The following SNX18 variants were observed in gnomAD, a reference collection of about 807,000 sequenced individuals.
SNX18 encodes the protein sorting nexin-18.
Under a neutral mutation model 48.7 loss-of-function variants are expected in SNX18, and 35 were observed. The observed-to-expected ratio is 0.72, with a 90% CI of 0.55 to 0.95. The LOEUF (loss-of-function observed/expected upper bound fraction) is 0.95. Ranked by LOEUF, SNX18 falls within the 40% of genes least tolerant of loss-of-function variation. The probability of loss-of-function intolerance (pLI) is 0.00; values close to 1 mark genes in which losing one functional copy is unlikely to be tolerated. For synonymous variants in SNX18, 492 were observed against 384.7 expected (o/e 1.28, Z -3.26); for missense variants, 824 against 871.0 (o/e 0.95, Z 0.68).
At chr5:54,580,946 G>A in the SNX18 span, among the ~76,000 whole-genome samples, 1 of 149,940 alleles carries the variant, frequency 6.7e-6, no homozygotes, top group African/African-American at 2.4e-5. Flanking sequence ...TGAAGCTGGG[G>A]TCAGGGGTTC....
At position 54,545,854 on chromosome 5, in the gene SNX18, A is replaced by G. The variant is rs1027415910; in HGVS notation, c.*2422A>G. 3.9e-5 allele frequency: 6 copies of G among 152,168 alleles called. No homozygotes were observed. The highest frequency in any genetic ancestry group is 2.1e-4 in the South Asian group (1 of 4,828). 9.4% of individuals were successfully genotyped at this position (152,168 alleles called of 1,614,324 possible). On this transcript the variant is annotated 3_prime_UTR_variant, in exon 2 of 2. Transcript: ENST00000381410. ...GTGGTACAATTTTTAAAAATAAACT[A>G]TCATGCCCTTCATGCCATTATTTGT...
At chr5:54,574,519 C>G in the SNX18 span, among the ~76,000 whole-genome samples, 4 of 152,158 alleles carry the variant, frequency 2.6e-5, no homozygotes, top group Non-Finnish European at 4.4e-5. Flanking sequence ...AACCTTTACT[C>G]TGGAGGGGGA....
chr5:54,646,550 A>T, the SNX18 span, among the ~76,000 whole-genome samples: 9 of 152,258 alleles, frequency 5.9e-5, no homozygotes, highest in Non-Finnish European at 1.0e-4. Flanking sequence ...TTCACAAGTT[A>T]GCAAGCACTC....
Position 54,518,211 on chromosome 5 carries a change from G to A in SNX18, c.259G>A (p.Glu87Lys), listed in dbSNP as rs970271877. The part of the protein sequence containing the change: ...RYANVPPGGF[E>K]PLPVAPPASF... ...CGCCAATGTGCCCCCCGGGGGCTTC[G>A]AGCCCCTGCCTGTCGCGCCCCCCGC... Residue 87 changes from glutamate (E) to lysine (K), a missense_variant, in exon 1 of 2, where the codon GAG (glutamate) becomes AAG (lysine). Physicochemically the swap from Glu to Lys is moderately conservative, Grantham distance 56 (BLOSUM62 1). Coordinates refer to ENST00000381410, the MANE Select transcript of SNX18 (RefSeq NM_001102575.2). 7 of 1,400,482 alleles carry A rather than the reference G, an allele frequency of 5.0e-6. No individual in the cohort carries two copies. The highest frequency in any genetic ancestry group is 5.5e-6 in the Non-Finnish European group (6 of 1,086,870). The allele number at this position is 1,400,482 out of a possible 1,614,324, so 86.8% of individuals were successfully genotyped here.
At chr5:54,537,592 A>T (rs959926205) in intron 1 of SNX18, among the ~76,000 whole-genome samples, 5 of 152,074 alleles carry the variant, frequency 3.3e-5, no homozygotes, top group African/African-American at 1.2e-4. Flanking sequence ...CTTAAACTTC[A>T]TTATATAATT....
At chr5:54,553,933 T>C in the SNX18 span, among the ~76,000 whole-genome samples, 1 of 152,352 alleles carries the variant, frequency 6.6e-6, no homozygotes, top group East Asian at 1.9e-4. Context: ...ATTTGCAAAC[T>C]GAATCAGCAA....
the SNX18 span, among the ~76,000 whole-genome samples, chr5:54,633,632 T>C: frequency 6.6e-6 from 1 of 152,236 alleles, no homozygotes; most frequent in East Asian, 1.9e-4. Flanking sequence ...TCATAGGTAC[T>C]ATAGGTGTAT....
the SNX18 span, among the ~76,000 whole-genome samples, chr5:54,637,003 A>C: frequency 6.6e-6 from 1 of 152,252 alleles, no homozygotes; most frequent in Non-Finnish European, 1.5e-5. Context: ...CCTTAAATAT[A>C]AAGTTTAAGA....
chr5:54,551,642 G>A, the SNX18 span, among the ~76,000 whole-genome samples: 1 of 152,158 alleles, frequency 6.6e-6, no homozygotes. Flanking sequence ...ATTCCATAAT[G>A]GTCACATAAA....
the SNX18 span, among the ~76,000 whole-genome samples, chr5:54,613,460 A>C: frequency 1.3e-5 from 2 of 152,042 alleles, no homozygotes; most frequent in Non-Finnish European, 2.9e-5. Context: ...TACAGGCCTT[A>C]ATCCATCCAG....
chr5:54,601,677 C>A, the SNX18 span, among the ~76,000 whole-genome samples: 1 of 152,064 alleles, frequency 6.6e-6, no homozygotes, highest in Admixed American at 6.6e-5. Context: ...GAAGTTCCAC[C>A]CGAGGTTATC....
At chr5:54,591,045 C>G in the SNX18 span, among the ~76,000 whole-genome samples, 4 of 152,262 alleles carry the variant, frequency 2.6e-5, no homozygotes, top group South Asian at 2.1e-4. Flanking sequence ...CCCTGATGTC[C>G]TCATCTCTCT....
At chr5:54,588,617 G>A in the SNX18 span, among the ~76,000 whole-genome samples, 14 of 152,196 alleles carry the variant, frequency 9.2e-5, no homozygotes, top group East Asian at 1.7e-3. Context: ...GTGAGCCACC[G>A]CACCCAGCTC....
intron 1 of SNX18, among the ~76,000 whole-genome samples, chr5:54,540,807 G>A (rs1358278020): frequency 4.2e-5 from 6 of 142,020 alleles, no homozygotes; most frequent in South Asian, 2.3e-4. Context: ...AGGATCCTGC[G>A]TACTGGTCCT....
the SNX18 span, among the ~76,000 whole-genome samples, chr5:54,588,306 C>CTTTTTT: frequency 1.7e-3 from 128 of 73,904 alleles, 22 homozygotes; most frequent in East Asian, 5.6e-3. Flanking sequence ...TATTTCTATT[C>CTTTTTT]TTTTTTTTTT....
At chr5:54,557,433 G>A in the SNX18 span, among the ~76,000 whole-genome samples, 8 of 152,116 alleles carry the variant, frequency 5.3e-5, no homozygotes, top group Non-Finnish European at 8.8e-5. Flanking sequence ...CATAGCATGC[G>A]GTTGCCAAAA....
the SNX18 span, among the ~76,000 whole-genome samples, chr5:54,599,188 T>C: frequency 2.0e-5 from 3 of 152,176 alleles, no homozygotes; most frequent in African/African-American, 7.2e-5. Flanking sequence ...AATGCTGGCC[T>C]CATAGAATGT....
At chr5:54,530,228 T>C (rs1762226945) in intron 1 of SNX18, among the ~76,000 whole-genome samples, 1 of 152,238 alleles carries the variant, frequency 6.6e-6, no homozygotes, top group Admixed American at 6.5e-5. Context: ...TTACCTTAAC[T>C]AATTACATAT....
chr5:54,541,424 T>G (rs966937125), intron 1 of SNX18, among the ~76,000 whole-genome samples: 6 of 152,202 alleles, frequency 3.9e-5, no homozygotes, highest in Non-Finnish European at 5.9e-5. Context: ...TTATTAATTT[T>G]TTATGTTGGG....
Sources: gnomAD v4.1 joint callset for allele counts (sites outside exome capture counted in the v4.1 genomes callset) on GRCh38, gnomAD v4.1.1 for gene constraint, MANE v1.5 for transcripts, NCBI Gene and HGNC (gene_info 2026-07-23, HGNC 2026-07-21) for gene names.